The following PCLO variants were observed in gnomAD, a reference collection of about 807,000 sequenced individuals.
PCLO encodes piccolo presynaptic cytomatrix protein, also known as protein piccolo.
Under a neutral mutation model 427.5 loss-of-function variants are expected in PCLO, and 82 were observed. That is an observed-to-expected ratio of 0.19 (90% CI 0.16 to 0.23). PCLO has a LOEUF of 0.23. Ranked by LOEUF, PCLO falls within the 10% of genes least tolerant of loss-of-function variation. The pLI is 1.00. For synonymous variants in PCLO, 2,357 were observed against 2,155.4 expected (o/e 1.09, Z -2.59); for missense variants, 6,239 against 6,115.9 (o/e 1.02, Z -0.67).
chr7:82,827,487 T>A (rs1321624163), intron 17 of PCLO, among the ~76,000 whole-genome samples: 1 of 152,052 alleles, frequency 6.6e-6, no homozygotes, highest in African/African-American at 2.4e-5. Flanking sequence ...TACAGTTCTA[T>A]GCACTGAATC....
chr7:82,862,776 C>T lies in PCLO; in HGVS notation c.13655-15529G>A, dbSNP rs544648750. On this transcript the variant is annotated intron_variant, in intron 10 of 24. Transcript: ENST00000333891. ...ACAGAAGACAAACATCGCATGTTCT[C>T]GATTATTTGTGGGATCTAAAAATCA... Among the ~76,000 whole-genome samples the T allele has an allele frequency of 1.8e-4, 28 of 151,686 alleles. No individual in the cohort carries two copies. In the South Asian group the frequency reaches 5.4e-3, roughly 29 times the overall value.
chr7:82,857,710 T>C (rs1188971996), intron 10 of PCLO, among the ~76,000 whole-genome samples: 1 of 152,112 alleles, frequency 6.6e-6, no homozygotes. Context: ...GGAAATCATG[T>C]TTCTGAAAAA....
intron 6 of PCLO, among the ~76,000 whole-genome samples, chr7:82,935,097 T>C (rs920038983): frequency 6.8e-6 from 1 of 146,082 alleles, no homozygotes; most frequent in African/African-American, 2.5e-5. Context: ...ATAAGGACAA[T>C]CCTTGGACTT....
chr7:82,965,920 G>A lies in PCLO; in HGVS notation c.3868C>T (p.Gln1290Ter). The change falls in exon 4 of 25, where the codon CAA (glutamine) becomes TAA (stop). Residue 1290 changes from glutamine to a stop codon, truncating the protein, a stop_gained. Transcript: ENST00000333891. LOFTEE classifies it high-confidence loss of function. The part of the protein sequence containing the change: ...VAPKTVQEGK[Q>*]PQTKMEGLPS... ...AAACCTTCCATCTTGGTCTGTGGTT[G>A]TTTCCCTTCTTGCACTGTCTTTGGA... 1 of 1,613,904 alleles carries A rather than the reference G, an allele frequency of 6.2e-7. No homozygotes were observed. The highest frequency in any genetic ancestry group is 8.5e-7 in the Non-Finnish European group (1 of 1,179,846).
At chr7:82,760,150 A>G (rs1039562276) in intron 24 of PCLO, among the ~76,000 whole-genome samples, 1 of 151,994 alleles carries the variant, frequency 6.6e-6, no homozygotes, top group African/African-American at 2.4e-5. Flanking sequence ...AAAGTATCCA[A>G]GGAGCTGAGA....
intron 17 of PCLO, among the ~76,000 whole-genome samples, chr7:82,827,559 C>G (rs963922796): frequency 1.3e-5 from 2 of 151,980 alleles, no homozygotes; most frequent in African/African-American, 4.8e-5. Flanking sequence ...ATGTGTTTCT[C>G]TCTCAAATAT....
At position 82,951,879 on chromosome 7, in the gene PCLO, A is replaced by T. The variant is rs1219661616; in HGVS notation, c.9074T>A (p.Leu3025Gln). The T allele has an allele frequency of 6.2e-7, 1 of 1,612,852 alleles. No individual in the cohort carries two copies. Among genetic ancestry groups the T allele is most frequent in the Admixed American group, 1.7e-5 (1 of 60,010 alleles). ...YSEGTDTAVDLTSGRVTTGEV... is the reference protein window; with the variant it reads ...YSEGTDTAVDQTSGRVTTGEV... The stretch of plus-strand genomic sequence containing the variant: ...ACCTGTAGTAACTCTCCCTGAAGTC[A>T]GATCTACTGCTGTGTCAGTTCCTTC... The change falls in exon 5 of 25, where the codon CTG becomes CAG. Residue 3025 changes from leucine to glutamine, a missense_variant. By Grantham distance (113) the Leu-to-Gln change is moderately radical. Around this residue, in one of 5 missense-constraint regions of PCLO, gnomAD observed 4,677 missense variants for 4,468.4 expected, o/e 1.05. Transcript: ENST00000333891.
chr7:83,155,579 C>G lies in PCLO; in HGVS notation c.1062G>C (p.Gln354His). 1.2e-6 allele frequency: 2 copies of G among 1,612,776 alleles called. No individual in the cohort carries two copies. The highest frequency in any genetic ancestry group is 4.5e-5 in the East Asian group (2 of 44,694). ...QQPGTVKPPV[Q>H]PPGTTKPPAQ... is the part of the protein sequence containing the mutation. The stretch of plus-strand genomic sequence containing the variant: ...CTGGAGGCTTTGTTGTCCCTGGTGG[C>G]TGGACTGGGGGTTTCACTGTCCCTG... Residue 354 changes from glutamine to histidine, a missense_variant, in exon 2 of 25, where the codon CAG (glutamine) becomes CAC (histidine). By Grantham distance (24) the Gln-to-His change is conservative. Around this residue, in one of 5 missense-constraint regions of PCLO, gnomAD observed 4,677 missense variants for 4,468.4 expected, o/e 1.05. Coordinates refer to ENST00000333891, the MANE Select transcript of PCLO (RefSeq NM_033026.6).
chr7:83,070,393 T>G (rs1789781876), intron 3 of PCLO, among the ~76,000 whole-genome samples: 1 of 151,514 alleles, frequency 6.6e-6, no homozygotes, highest in East Asian at 1.9e-4. Context: ...TTGTGGTTTT[T>G]TTTTTTTTTT....
chr7:83,117,404 T>A (rs1346573967), intron 3 of PCLO, among the ~76,000 whole-genome samples: 2 of 152,208 alleles, frequency 1.3e-5, no homozygotes, highest in Non-Finnish European at 2.9e-5. Context: ...TTTAGCATTG[T>A]TTAAAGAAAC....
chr7:82,936,678 AC>A (rs1794960216), intron 6 of PCLO, among the ~76,000 whole-genome samples: 1 of 151,656 alleles, frequency 6.6e-6, no homozygotes, highest in Non-Finnish European at 1.5e-5. Flanking sequence ...CTAGGCATAT[AC>A]CCTTAAAATT....
intron 13 of PCLO, among the ~76,000 whole-genome samples, chr7:82,842,828 A>G (rs1003152251): frequency 3.9e-5 from 6 of 152,146 alleles, no homozygotes; most frequent in Non-Finnish European, 7.4e-5. Flanking sequence ...ATCATCAGAG[A>G]AATACAAATT....
intron 3 of PCLO, among the ~76,000 whole-genome samples, chr7:82,968,825 C>T (rs1200805566): frequency 6.6e-6 from 1 of 151,984 alleles, no homozygotes; most frequent in Non-Finnish European, 1.5e-5. Context: ...AGCCCCAGAG[C>T]CTGACTTTTT....
chr7:82,953,425 T>C lies in PCLO; in HGVS notation c.7528A>G (p.Ile2510Val), dbSNP rs988763667. 8.1e-6 allele frequency: 13 copies of C among 1,613,236 alleles called. No individual in the cohort carries two copies. The Admixed American group carries it at 1.2e-4, about 15-fold the overall frequency. ...THRPEPSKPP[I>V]APKPVIPQLP... ...TGAGGAATCACTGGTTTGGGGGCGA[T>C]TGGAGGTTTGCTTGGCTCAGGCCTG... The change falls in exon 5 of 25, where the codon ATC (isoleucine) becomes GTC (valine). Residue 2510 changes from isoleucine (I) to valine (V), a missense_variant. Physicochemically the swap from Ile to Val is conservative, Grantham distance 29. Around this residue, in one of 5 missense-constraint regions of PCLO, gnomAD observed 4,677 missense variants for 4,468.4 expected, o/e 1.05. Coordinates refer to ENST00000333891, the MANE Select transcript of PCLO (RefSeq NM_033026.6).
chr7:83,025,467 T>C (rs996774356), intron 3 of PCLO, among the ~76,000 whole-genome samples: 1 of 151,534 alleles, frequency 6.6e-6, no homozygotes, highest in African/African-American at 2.4e-5. Flanking sequence ...AAAGACCAAA[T>C]CTACATCTGA....
At chr7:82,772,973 CA>C (rs1205257840) in intron 22 of PCLO, among the ~76,000 whole-genome samples, 1 of 152,086 alleles carries the variant, frequency 6.6e-6, no homozygotes, top group Non-Finnish European at 1.5e-5. Flanking sequence ...CTCAAGACCA[CA>C]AAGCCCAGGA....
chr7:82,930,464 C>T (rs1158751681), intron 6 of PCLO, among the ~76,000 whole-genome samples: 1 of 152,016 alleles, frequency 6.6e-6, no homozygotes, highest in East Asian at 1.9e-4. Flanking sequence ...ACGTAGTTGG[C>T]AGAATTTTAC....
intron 6 of PCLO, among the ~76,000 whole-genome samples, chr7:82,936,939 A>G (rs904110673): frequency 2.6e-5 from 4 of 151,750 alleles, no homozygotes; most frequent in Admixed American, 1.3e-4. Context: ...TTTATCTAGA[A>G]TAGGTAAATC....
intron 1 of PCLO, among the ~76,000 whole-genome samples, chr7:83,160,919 C>G (rs996077526): frequency 2.0e-5 from 3 of 152,216 alleles, no homozygotes; most frequent in Non-Finnish European, 4.4e-5. Flanking sequence ...TGAATGAACA[C>G]TAAATTTTTT....
Sources: allele counts gnomAD v4.1 joint callset (sites outside exome capture counted in the v4.1 genomes callset), GRCh38; gene constraint gnomAD v4.1.1; regional missense constraint gnomAD v4.1.1; transcripts MANE v1.5; gene names NCBI Gene and HGNC (gene_info 2026-07-23, HGNC 2026-07-21).